RORA: variants seen among roughly 807,000 people sequenced by gnomAD.
RORA encodes nuclear receptor ROR-alpha.
A neutral mutation model predicts 69.5 loss-of-function variants in RORA; 7 were observed. That is an observed-to-expected ratio of 0.10 (90% CI 0.06 to 0.19). The LOEUF is 0.19. Among genes scored for constraint, RORA ranks in the 10% least tolerant of loss-of-function variants. The pLI is 1.00. For synonymous variants in RORA, 261 were observed against 240.8 expected (o/e 1.08, Z -0.78); for missense variants, 457 against 663.0 (o/e 0.69, Z 3.41).
intron 2 of RORA, among the ~76,000 whole-genome samples, chr15:60,536,904 A>G (rs1350625133): frequency 1.3e-5 from 2 of 152,180 alleles, no homozygotes; most frequent in Non-Finnish European, 2.9e-5. Flanking sequence ...AATATGGAGG[A>G]CTTTTCACTT....
chr15:60,550,212 C>G (rs1017712243), intron 2 of RORA, among the ~76,000 whole-genome samples: 4 of 152,164 alleles, frequency 2.6e-5, no homozygotes, highest in Admixed American at 6.5e-5. Flanking sequence ...ATTTCTTGAA[C>G]CTGGGGGATG....
intron 1 of RORA, among the ~76,000 whole-genome samples, chr15:60,836,573 T>G (rs2073118426): frequency 6.6e-6 from 1 of 152,014 alleles, no homozygotes; most frequent in Non-Finnish European, 1.5e-5. Context: ...GGGTCTAAGC[T>G]CCCTCTCCGA....
chr15:60,741,091 G>A (rs1034641868), intron 1 of RORA, among the ~76,000 whole-genome samples: 2 of 152,142 alleles, frequency 1.3e-5, no homozygotes, highest in Admixed American at 6.5e-5. Flanking sequence ...GTGATAAACC[G>A]CTTGAGTTAT....
intron 1 of RORA, among the ~76,000 whole-genome samples, chr15:60,909,435 C>A (rs559302483): frequency 4.6e-5 from 7 of 152,202 alleles, no homozygotes; most frequent in Admixed American, 2.0e-4. Context: ...AGCAGTAAAC[C>A]CAAGATCAAA....
At chr15:60,831,606 T>A (rs1313921240) in intron 1 of RORA, among the ~76,000 whole-genome samples, 1 of 152,162 alleles carries the variant, frequency 6.6e-6, no homozygotes, top group Non-Finnish European at 1.5e-5. Flanking sequence ...ACCATATCCA[T>A]GCATTTGTCC....
At chr15:61,140,061 T>C (rs1186480846) in intron 1 of RORA, among the ~76,000 whole-genome samples, 1 of 152,202 alleles carries the variant, frequency 6.6e-6, no homozygotes, top group African/African-American at 2.4e-5. Flanking sequence ...CTGGTGTGCA[T>C]ATACATTCAC....
intron 1 of RORA, among the ~76,000 whole-genome samples, chr15:60,921,917 G>T (rs562620400): frequency 1.6e-4 from 24 of 152,072 alleles, no homozygotes; most frequent in African/African-American, 5.1e-4. Context: ...AAAATGTGAT[G>T]GACAATATTG....
At chr15:61,160,014 G>A (rs1334168156) in intron 1 of RORA, among the ~76,000 whole-genome samples, 9 of 152,138 alleles carry the variant, frequency 5.9e-5, no homozygotes, top group Admixed American at 3.3e-4. Flanking sequence ...CCTTCTCTGC[G>A]ATCACCAGGT....
chr15:60,980,809 C>A (rs146196514), intron 1 of RORA, among the ~76,000 whole-genome samples: 31 of 152,050 alleles, frequency 2.0e-4, no homozygotes, highest in Non-Finnish European at 3.8e-4. Context: ...TTTTGTTAAT[C>A]TTTTCAAATA....
At chr15:60,743,515 T>A (rs2071605729) in intron 1 of RORA, among the ~76,000 whole-genome samples, 2 of 152,206 alleles carry the variant, frequency 1.3e-5, no homozygotes, top group South Asian at 4.1e-4. Context: ...GAATAGCATA[T>A]CTACTTGAAG....
intron 2 of RORA, among the ~76,000 whole-genome samples, chr15:60,674,611 A>G (rs190836107): frequency 3.4e-4 from 52 of 152,390 alleles, no homozygotes; most frequent in African/African-American, 1.2e-3. Context: ...TCTTTTTATA[A>G]ATAACACAGT....
chr15:60,696,427 C>G (rs930406017), intron 1 of RORA, among the ~76,000 whole-genome samples: 2 of 152,168 alleles, frequency 1.3e-5, no homozygotes, highest in East Asian at 3.8e-4. Context: ...CAAATCCCCT[C>G]TAGCTGCTGG....
intron 1 of RORA, among the ~76,000 whole-genome samples, chr15:60,943,537 A>T (rs1471000752): frequency 2.0e-5 from 3 of 152,120 alleles, no homozygotes; most frequent in African/African-American, 2.4e-5. Flanking sequence ...CATAAGACAG[A>T]AGGTCTTGGC....
At chr15:60,735,343 G>A (rs1186859147) in intron 1 of RORA, among the ~76,000 whole-genome samples, 1 of 152,094 alleles carries the variant, frequency 6.6e-6, no homozygotes, top group Non-Finnish European at 1.5e-5. Flanking sequence ...ATATAATATT[G>A]CCAAACACTA....
intron 1 of RORA, among the ~76,000 whole-genome samples, chr15:60,973,150 G>A (rs1204365681): frequency 9.9e-5 from 15 of 152,128 alleles, no homozygotes; most frequent in African/African-American, 1.9e-4. Context: ...GTGTGGAGAC[G>A]TTGAAAAAAG....
intron 1 of RORA, among the ~76,000 whole-genome samples, chr15:61,218,207 G>GTA (rs1241984154): frequency 6.6e-6 from 1 of 150,386 alleles, no homozygotes; most frequent in Non-Finnish European, 1.5e-5. Flanking sequence ...GTGTGTGTGT[G>GTA]TACTAGTTCA....
intron 1 of RORA, among the ~76,000 whole-genome samples, chr15:60,712,113 G>A (rs2071151965): frequency 6.6e-6 from 1 of 152,086 alleles, no homozygotes; most frequent in Non-Finnish European, 1.5e-5. Flanking sequence ...ACTTTCAAAT[G>A]GGACTCATAT....
chr15:61,044,360 T>A (rs989738961), intron 1 of RORA, among the ~76,000 whole-genome samples: 1 of 152,092 alleles, frequency 6.6e-6, no homozygotes, highest in African/African-American at 2.4e-5. Flanking sequence ...CCTCTCAGAG[T>A]CACTCTGCCG....
chr15:61,079,841 G>A (rs35610042), intron 1 of RORA, among the ~76,000 whole-genome samples: 23,585 of 152,098 alleles, frequency 0.16, 2,352 homozygotes, highest in East Asian at 0.32. Flanking sequence ...CTCGTGTTTT[G>A]AATTAGACCT....
Sources: gnomAD v4.1 joint callset for allele counts (sites outside exome capture counted in the v4.1 genomes callset) on GRCh38, gnomAD v4.1.1 for gene constraint, MANE v1.5 for transcripts, NCBI Gene and HGNC (gene_info 2026-07-23, HGNC 2026-07-21) for gene names.